The following ZNF638 variants were observed in gnomAD, a reference collection of about 807,000 sequenced individuals.
ZNF638 encodes zinc finger protein 638.
Under a neutral mutation model 195.6 loss-of-function variants are expected in ZNF638, and 46 were observed. The ratio of observed to expected loss-of-function variants is 0.24; its 90% CI spans 0.19 to 0.30. The LOEUF (loss-of-function observed/expected upper bound fraction) is 0.30. Ranked by LOEUF, ZNF638 falls within the 10% of genes least tolerant of loss-of-function variation. The probability of loss-of-function intolerance (pLI) is 1.00; values close to 1 mark genes in which losing one functional copy is unlikely to be tolerated. For missense variants in ZNF638, 2,440 were observed against 2,325.3 expected (o/e 1.05, Z -1.01); for synonymous variants, 845 against 772.0 (o/e 1.09, Z -1.57).
At position 71,423,322 on chromosome 2, in the gene ZNF638, A is replaced by T; in HGVS notation, c.3808A>T (p.Thr1270Ser). ...EAVAEVEKNE[T>S]VSEILPSTCI... ...TGTAGCTGAAGTAGAAAAAAATGAA[A>T]CTGTTTCGGAAATATTGCCATCAAC... The change falls in exon 22 of 28, where the codon ACT (threonine) becomes TCT (serine). Residue 1270 changes from threonine (T) to serine (S), a missense_variant. Thr to Ser is a moderately conservative substitution (Grantham distance 58). Transcript: ENST00000264447. The T allele has an allele frequency of 6.2e-7, 1 of 1,613,896 alleles. No homozygotes were observed. Among genetic ancestry groups the T allele is most frequent in the African/African-American group, 1.3e-5 (1 of 75,028 alleles).
intron 11 of ZNF638, among the ~76,000 whole-genome samples, chr2:71,397,393 T>A (rs994166037): frequency 6.6e-6 from 1 of 152,214 alleles, no homozygotes; most frequent in Non-Finnish European, 1.5e-5. Flanking sequence ...TGACAAGCTA[T>A]AAGGATTTGT....
intron 20 of ZNF638, among the ~76,000 whole-genome samples, chr2:71,411,359 T>C (rs925220776): frequency 2.6e-5 from 4 of 151,786 alleles, no homozygotes; most frequent in African/African-American, 9.6e-5. Flanking sequence ...ATATTCTGTT[T>C]TTCTGGAAAT....
In ZNF638 at chr2:71,393,363, G is replaced by C. The variant is rs1481178026; in HGVS notation, c.2378-2778G>C. The C allele has an allele frequency of 1.7e-5, 12 of 714,308 alleles. No homozygotes were observed. In the Admixed American group the frequency reaches 2.4e-4, roughly 14 times the overall value. 44.2% of individuals were successfully genotyped at this position (714,308 alleles called of 1,614,324 possible). A position where few individuals can be genotyped will look rare whatever the true frequency, so the allele number is the denominator to read the frequency against. On this transcript the variant is annotated intron_variant, in intron 10 of 27. Transcript: ENST00000264447. Reference sequence around the variant, plus strand: ...CCAAATGAATTGCTAACGTGGGGAAGATGATATGCTTGTGTTCACACCCCC... The same window carrying C: ...CCAAATGAATTGCTAACGTGGGGAACATGATATGCTTGTGTTCACACCCCC...
chr2:71,390,224 G>A lies in ZNF638; in HGVS notation c.2378-5917G>A, dbSNP rs145233832. 3.0e-3 allele frequency among the ~76,000 whole-genome samples: 457 copies of A among 152,356 alleles called. 2 individuals are homozygous for A. The highest frequency in any genetic ancestry group is 0.011 in the African/African-American group (441 of 41,578). ...TCATGAGGGGCCAGCCCCAGGCCCT[G>A]CTCCAAACTTGGGCAATGCCAGCGG... On this transcript the variant is annotated intron_variant, in intron 10 of 27. Coordinates refer to ENST00000264447, the MANE Select transcript of ZNF638 (RefSeq NM_014497.5).
At chr2:71,369,282 C>A (rs56111701) in intron 7 of ZNF638, among the ~76,000 whole-genome samples, 1 of 149,758 alleles carries the variant, frequency 6.7e-6, no homozygotes, top group Admixed American at 6.7e-5. Context: ...GAGATGGCGC[C>A]GCTGCACTCT....
intron 5 of ZNF638, 24 bp from the exon 6 acceptor site, chr2:71,365,401 TGAAA>T (rs1425646663): frequency 6.6e-7 from 1 of 1,519,906 alleles, no homozygotes; most frequent in Admixed American, 2.1e-5. Context: ...TTTTTCCAAT[TGAAA>T]TTATATTTAT....
At chr2:71,359,553 C>T (rs77277729) in intron 3 of ZNF638, among the ~76,000 whole-genome samples, 93 of 152,334 alleles carry the variant, frequency 6.1e-4, no homozygotes, top group African/African-American at 2.1e-3. Flanking sequence ...TCACTGGAAA[C>T]ACTCTCACAG....
intron 26 of ZNF638, among the ~76,000 whole-genome samples, chr2:71,432,266 T>C (rs942104209): frequency 6.6e-6 from 1 of 152,202 alleles, no homozygotes; most frequent in Non-Finnish European, 1.5e-5. Flanking sequence ...AGTGATGTGA[T>C]CTCAGCTAAC....
At chr2:71,390,996 G>A (rs1477229808) in intron 10 of ZNF638, among the ~76,000 whole-genome samples, 3 of 152,188 alleles carry the variant, frequency 2.0e-5, no homozygotes, top group African/African-American at 7.2e-5. Flanking sequence ...TACCCCTGAC[G>A]TGGTTCTCTC....
chr2:71,427,928 A>T (rs2080572482), intron 24 of ZNF638, among the ~76,000 whole-genome samples: 2 of 152,094 alleles, frequency 1.3e-5, no homozygotes. Context: ...ATTGTGGCTC[A>T]CTCCCGTAAT....
intron 2 of ZNF638, among the ~76,000 whole-genome samples, chr2:71,353,655 C>T (rs2078977855): frequency 6.6e-6 from 1 of 152,118 alleles, no homozygotes; most frequent in Admixed American, 6.5e-5. Flanking sequence ...TTAAATAGGG[C>T]AGCCATCATC....
chr2:71,429,241 A>G (rs1349866749), intron 25 of ZNF638, among the ~76,000 whole-genome samples: 1 of 152,146 alleles, frequency 6.6e-6, no homozygotes, highest in Non-Finnish European at 1.5e-5. Flanking sequence ...CGCTTTTACC[A>G]TTCTCTTTGT....
chr2:71,375,859 T>G (rs960568092), intron 8 of ZNF638: 7 of 152,176 alleles, frequency 4.6e-5, no homozygotes, highest in Non-Finnish European at 1.0e-4. Context: ...CAGCCTTTTG[T>G]GATAATGGTA....
At chr2:71,429,619 G>A (rs1447812671) in intron 25 of ZNF638, among the ~76,000 whole-genome samples, 1 of 152,016 alleles carries the variant, frequency 6.6e-6, no homozygotes, top group Non-Finnish European at 1.5e-5. Flanking sequence ...TTTTCTACTT[G>A]CTTTTAGAGC....
chr2:71,369,243 A>G (rs906380440), intron 7 of ZNF638, among the ~76,000 whole-genome samples: 2 of 151,378 alleles, frequency 1.3e-5, no homozygotes, highest in Non-Finnish European at 1.5e-5. Context: ...GAATCTCTTG[A>G]ACCCGGGAGG....
At chr2:71,355,809 A>G (rs367796622) in intron 3 of ZNF638, 29 bp downstream of exon 3, 6 of 1,376,312 alleles carry the variant, frequency 4.4e-6, no homozygotes, top group African/African-American at 2.9e-5. Flanking sequence ...TTTATTATAG[A>G]TAGCATATTT....
At chr2:71,397,975 A>G (rs528853500) in intron 11 of ZNF638, among the ~76,000 whole-genome samples, 9 of 152,312 alleles carry the variant, frequency 5.9e-5, no homozygotes, top group African/African-American at 1.9e-4. Context: ...CTAATCAATT[A>G]GGAGCCGTGG....
At chr2:71,376,073 A>G (rs1402655954) in intron 8 of ZNF638, 1 of 152,242 alleles carries the variant, frequency 6.6e-6, no homozygotes, top group Non-Finnish European at 1.5e-5. Context: ...TAGCTTAAAA[A>G]ATTCTCTTGG....
chr2:71,424,351 G>T (rs1035601256), intron 22 of ZNF638, among the ~76,000 whole-genome samples: 2 of 151,100 alleles, frequency 1.3e-5, no homozygotes, highest in Non-Finnish European at 2.9e-5. Context: ...CTCTGCTTCT[G>T]AATGGGAAAC....
Sources: gnomAD v4.1 joint callset for allele counts (sites outside exome capture counted in the v4.1 genomes callset) on GRCh38, gnomAD v4.1.1 for gene constraint, MANE v1.5 for transcripts, NCBI Gene and HGNC (gene_info 2026-07-23, HGNC 2026-07-21) for gene names.